WWOX: variants seen among roughly 807,000 people sequenced by gnomAD.
WWOX encodes WW domain containing oxidoreductase, also known as WW domain-containing oxidoreductase.
WWOX carries 69 observed loss-of-function variants against 46.2 expected under a neutral mutation model. That is an observed-to-expected ratio of 1.49 (90% CI 1.23 to 1.82). The LOEUF (loss-of-function observed/expected upper bound fraction) is 1.82, where lower values mean the gene tolerates loss of function less well. WWOX is among the 40% of genes most tolerant of loss of function. The probability of loss-of-function intolerance (pLI) is 0.00; values close to 1 mark genes in which losing one functional copy is unlikely to be tolerated. For missense variants in WWOX, 919 were observed against 542.6 expected, an observed-to-expected ratio of 1.69 and a Z score of -6.89; for synonymous variants, 359 against 202.6, an observed-to-expected ratio of 1.77 and a Z score of -6.56.
chr16:78,763,453 C>T (rs1038466275), intron 8 of WWOX, among the ~76,000 whole-genome samples: 3 of 152,146 alleles, frequency 2.0e-5, no homozygotes, highest in African/African-American at 4.8e-5. Context: ...AGTTTATAGT[C>T]CAAAAAGACA....
At chr16:78,200,001 C>T (rs2036183922) in intron 5 of WWOX, among the ~76,000 whole-genome samples, 1 of 152,216 alleles carries the variant, frequency 6.6e-6, no homozygotes, top group African/African-American at 2.4e-5. Flanking sequence ...TAGAAATCAC[C>T]AAGGACCTGG....
chr16:78,544,703 C>T (rs2978621), intron 8 of WWOX, among the ~76,000 whole-genome samples: 75,789 of 151,840 alleles, frequency 0.5, 21,944 homozygotes, highest in Admixed American at 0.64. Flanking sequence ...CCAGACCATC[C>T]ATCTCTACAA....
At chr16:78,654,074 C>T (rs1196655752) in intron 8 of WWOX, among the ~76,000 whole-genome samples, 2 of 152,206 alleles carry the variant, frequency 1.3e-5, no homozygotes, top group Non-Finnish European at 2.9e-5. Flanking sequence ...CTACTTAAAG[C>T]AAAATGCCTT....
intron 8 of WWOX, among the ~76,000 whole-genome samples, chr16:78,477,455 G>T (rs2084378024): frequency 6.6e-6 from 1 of 151,918 alleles, no homozygotes; most frequent in Admixed American, 6.6e-5. Flanking sequence ...CCCAGATAAA[G>T]TGCCATTGAT....
chr16:78,632,720 A>T (rs187811564), intron 8 of WWOX, among the ~76,000 whole-genome samples: 1 of 151,178 alleles, frequency 6.6e-6, no homozygotes, highest in Non-Finnish European at 1.5e-5. Flanking sequence ...CACCACGCCC[A>T]GCTGATTTTG....
At chr16:78,476,539 A>T (rs1253725539) in intron 8 of WWOX, among the ~76,000 whole-genome samples, 3 of 152,070 alleles carry the variant, frequency 2.0e-5, no homozygotes, top group African/African-American at 4.8e-5. Context: ...ACACCAACAC[A>T]GCACATGTCT....
At chr16:78,882,220 C>T (rs188425066) in intron 8 of WWOX, among the ~76,000 whole-genome samples, 1 of 152,212 alleles carries the variant, frequency 6.6e-6, no homozygotes, top group South Asian at 2.1e-4. Context: ...CCAATACTTT[C>T]TAACATGTGT....
chr16:79,114,957 C>T (rs2049485509), intron 8 of WWOX, among the ~76,000 whole-genome samples: 1 of 152,224 alleles, frequency 6.6e-6, no homozygotes, highest in Non-Finnish European at 1.5e-5. Context: ...ATCTCAAGGG[C>T]AGTTAGACAA....
At chr16:79,100,061 A>G (rs772176812) in intron 8 of WWOX, among the ~76,000 whole-genome samples, 2 of 152,186 alleles carry the variant, frequency 1.3e-5, no homozygotes, top group Non-Finnish European at 2.9e-5. Flanking sequence ...ACTCCGTCAC[A>G]CTCAGACCAT....
At chr16:78,104,325 A>G (rs564139757) in intron 1 of WWOX, among the ~76,000 whole-genome samples, 8 of 143,600 alleles carry the variant, frequency 5.6e-5, no homozygotes, top group South Asian at 2.2e-4. Context: ...ACTGTGCTCA[A>G]AAAACACACG....
chr16:78,547,479 C>G (rs964105794), intron 8 of WWOX, among the ~76,000 whole-genome samples: 1 of 152,198 alleles, frequency 6.6e-6, no homozygotes, highest in Non-Finnish European at 1.5e-5. Context: ...TGACTGTGCT[C>G]TAGACACTGT....
intron 8 of WWOX, among the ~76,000 whole-genome samples, chr16:78,745,673 A>C (rs75220662): frequency 1.3e-4 from 19 of 151,214 alleles, no homozygotes; most frequent in African/African-American, 4.4e-4. Context: ...TCAGCACATA[A>C]ATTTTCATAG....
At chr16:78,852,040 C>T (rs755559330) in intron 8 of WWOX, among the ~76,000 whole-genome samples, 1 of 152,140 alleles carries the variant, frequency 6.6e-6, no homozygotes, top group African/African-American at 2.4e-5. Flanking sequence ...TCAAGAGTGA[C>T]TTGAACTGGG....
chr16:78,325,826 C>T (rs1252352949), intron 5 of WWOX, among the ~76,000 whole-genome samples: 1 of 152,196 alleles, frequency 6.6e-6, no homozygotes, highest in African/African-American at 2.4e-5. Flanking sequence ...TTTGCTTTTG[C>T]AACTTGAACA....
chr16:79,042,728 G>GTTTTTTTTTTTT (rs11379084), intron 8 of WWOX, among the ~76,000 whole-genome samples: 1 of 143,126 alleles, frequency 7.0e-6, no homozygotes. Flanking sequence ...AATACTCAGG[G>GTTTTTTTTTTTT]TTTTTTTTTT....
intron 8 of WWOX, among the ~76,000 whole-genome samples, chr16:78,721,475 C>T (rs1434499800): frequency 6.6e-6 from 1 of 152,168 alleles, no homozygotes; most frequent in Non-Finnish European, 1.5e-5. Flanking sequence ...AAGTGTTCAG[C>T]CATCAGACAG....
At chr16:78,353,981 C>G (rs2151908169) in intron 5 of WWOX, among the ~76,000 whole-genome samples, 1 of 152,346 alleles carries the variant, frequency 6.6e-6, no homozygotes, top group East Asian at 1.9e-4. Flanking sequence ...GTGCTTTCCT[C>G]ATGCTTTCTC....
chr16:78,126,449 T>C (rs758487454), intron 4 of WWOX, among the ~76,000 whole-genome samples: 4 of 152,256 alleles, frequency 2.6e-5, no homozygotes, highest in African/African-American at 4.8e-5. Flanking sequence ...TTAGCAAGAT[T>C]GATAGGCTTT....
intron 8 of WWOX, among the ~76,000 whole-genome samples, chr16:79,038,011 G>C (rs2047901160): frequency 6.6e-6 from 1 of 151,962 alleles, no homozygotes; most frequent in African/African-American, 2.4e-5. Context: ...TGGCAACCAG[G>C]CTCCAATATC....
Sources: gnomAD v4.1 joint callset for allele counts (sites outside exome capture counted in the v4.1 genomes callset) on GRCh38, gnomAD v4.1.1 for gene constraint, MANE v1.5 for transcripts, NCBI Gene and HGNC (gene_info 2026-07-23, HGNC 2026-07-21) for gene names.